Variants in ERO1B observed in about 807,000 individuals in gnomAD.
The protein encoded by ERO1B is ERO1-like protein beta.
A neutral mutation model predicts 75.3 loss-of-function variants in ERO1B; 49 were observed. That is an observed-to-expected ratio of 0.65 (90% CI 0.52 to 0.83). The LOEUF (loss-of-function observed/expected upper bound fraction) is 0.83. ERO1B is among the 40% of genes least tolerant of loss of function. The pLI is 0.00. For synonymous variants in ERO1B, 191 were observed against 192.9 expected (o/e 0.99, Z 0.08); for missense variants, 512 against 560.1 (o/e 0.91, Z 0.87).
intron 5 of ERO1B, among the ~76,000 whole-genome samples, chr1:236,248,591 A>C (rs1320296479): frequency 6.6e-6 from 1 of 152,234 alleles, no homozygotes; most frequent in Non-Finnish European, 1.5e-5. Context: ...CTGTGTTTCA[A>C]CATGGACAGA....
In ERO1B at chr1:236,233,703, A is replaced by G. The variant is rs990610477; in HGVS notation, c.674-864T>C. Among the ~76,000 whole-genome samples, 11 of 152,342 alleles carry G rather than the reference A, an allele frequency of 7.2e-5. No individual in the cohort carries two copies. In the South Asian group the frequency reaches 1.7e-3, roughly 23 times the overall value. ...TTCAATAATTAATTAATTACTACAT[A>G]AAGTTGCTCCTTTAATCATTATGCA... On this transcript the variant is annotated intron_variant, in intron 8 of 15. Transcript: ENST00000354619.
intron 5 of ERO1B, among the ~76,000 whole-genome samples, chr1:236,246,605 T>C (rs1246869655): frequency 6.6e-6 from 1 of 152,176 alleles, no homozygotes; most frequent in African/African-American, 2.4e-5. Flanking sequence ...CCCAAAAACA[T>C]GAATGAATCT....
intron 13 of ERO1B, among the ~76,000 whole-genome samples, chr1:236,223,754 A>G (rs1221601770): frequency 2.6e-5 from 4 of 152,230 alleles, no homozygotes; most frequent in Non-Finnish European, 4.4e-5. Context: ...CTGAAGATTA[A>G]AAGTAGAACA....
At chr1:236,255,720 C>G (rs1553373247) in intron 2 of ERO1B, among the ~76,000 whole-genome samples, 1 of 152,082 alleles carries the variant, frequency 6.6e-6, no homozygotes, top group Non-Finnish European at 1.5e-5. Context: ...TGTGCATAAA[C>G]AAAGAACCTT....
intron 6 of ERO1B, among the ~76,000 whole-genome samples, chr1:236,241,781 T>G (rs1026815615): frequency 5.3e-5 from 8 of 151,812 alleles, no homozygotes; most frequent in African/African-American, 1.9e-4. Flanking sequence ...AAAAAATAGT[T>G]AACACGGCCA....
chr1:236,269,210 G>A (rs1024830728), intron 2 of ERO1B, among the ~76,000 whole-genome samples: 1 of 152,162 alleles, frequency 6.6e-6, no homozygotes, highest in Non-Finnish European at 1.5e-5. Flanking sequence ...ACTTCAGCCT[G>A]GGTGACAGAG....
intron 4 of ERO1B, 100 bp downstream of exon 4, chr1:236,251,950 A>G: frequency 1.2e-6 from 1 of 865,252 alleles, no homozygotes; most frequent in Non-Finnish European, 1.8e-6. Context: ...TCCATTCCCA[A>G]CTAACCATAA....
intron 5 of ERO1B, among the ~76,000 whole-genome samples, chr1:236,247,989 CCCTG>C (rs1343173500): frequency 2.6e-5 from 4 of 152,188 alleles, no homozygotes; most frequent in Non-Finnish European, 4.4e-5. Context: ...CTTTGTTCTT[CCCTG>C]CCTGTCTTCC....
intron 9 of ERO1B, among the ~76,000 whole-genome samples, chr1:236,230,731 A>C (rs1036071993): frequency 1.3e-5 from 2 of 152,032 alleles, no homozygotes; most frequent in African/African-American, 2.4e-5. Context: ...ACCTACAAAT[A>C]ATTTAAGTAA....
chr1:236,281,605 C>T, intron 1 of ERO1B, 77 bp downstream of exon 1: 2 of 679,966 alleles, frequency 2.9e-6, no homozygotes, highest in Non-Finnish European at 3.9e-6. Flanking sequence ...GCCCTCCCCG[C>T]GTCACAGCCG....
At chr1:236,252,498 C>T (rs1336811099) in intron 3 of ERO1B, among the ~76,000 whole-genome samples, 1 of 152,150 alleles carries the variant, frequency 6.6e-6, no homozygotes, top group African/African-American at 2.4e-5. Flanking sequence ...TCTGCTCTAA[C>T]AAAGTGTAGG....
intron 6 of ERO1B, among the ~76,000 whole-genome samples, chr1:236,237,088 GTATT>G (rs1664563355): frequency 1.4e-5 from 2 of 140,612 alleles, no homozygotes; most frequent in African/African-American, 5.2e-5. Flanking sequence ...ACCCAAATGA[GTATT>G]TACCCCGATC....
At chr1:236,268,729 A>G (rs991133360) in intron 2 of ERO1B, among the ~76,000 whole-genome samples, 2 of 151,770 alleles carry the variant, frequency 1.3e-5, no homozygotes, top group African/African-American at 2.4e-5. Flanking sequence ...TACTAAAAAT[A>G]CAAAATATTA....
chr1:236,246,550 T>C (rs1169303147), intron 5 of ERO1B, among the ~76,000 whole-genome samples: 1 of 152,180 alleles, frequency 6.6e-6, no homozygotes, highest in Non-Finnish European at 1.5e-5. Flanking sequence ...ACATTCTTAC[T>C]ATAGAATACT....
intron 2 of ERO1B, among the ~76,000 whole-genome samples, chr1:236,268,716 C>A (rs1370231793): frequency 6.6e-6 from 1 of 151,570 alleles, no homozygotes; most frequent in African/African-American, 2.4e-5. Context: ...GAAACCCCGT[C>A]TCTACTAAAA....
At chr1:236,275,505 C>G (rs2102967836) in intron 1 of ERO1B, among the ~76,000 whole-genome samples, 1 of 152,236 alleles carries the variant, frequency 6.6e-6, no homozygotes, top group South Asian at 2.1e-4. Flanking sequence ...AACATGCCAC[C>G]CTCCCAATAA....
intron 2 of ERO1B, among the ~76,000 whole-genome samples, chr1:236,254,074 T>TA (rs1274962271): frequency 6.6e-6 from 1 of 152,064 alleles, no homozygotes; most frequent in Non-Finnish European, 1.5e-5. Context: ...TTGTGTGAAC[T>TA]AAAAAACACC....
intron 9 of ERO1B, among the ~76,000 whole-genome samples, chr1:236,231,167 AG>A (rs1342274576): frequency 7.2e-5 from 11 of 152,200 alleles, no homozygotes; most frequent in African/African-American, 2.7e-4. Flanking sequence ...ATAAGTTTTA[AG>A]GGACAGCTAA....
intron 6 of ERO1B, among the ~76,000 whole-genome samples, chr1:236,241,883 A>G (rs879420005): frequency 6.6e-6 from 1 of 152,134 alleles, no homozygotes; most frequent in Non-Finnish European, 1.5e-5. Context: ...CCTGGCTAAC[A>G]TGGTGAAACC....
Sources: allele counts gnomAD v4.1 joint callset (sites outside exome capture counted in the v4.1 genomes callset), GRCh38; gene constraint gnomAD v4.1.1; transcripts MANE v1.5; gene names NCBI Gene and HGNC (gene_info 2026-07-23, HGNC 2026-07-21).